OSBPL6: variants seen among roughly 807,000 people sequenced by gnomAD.
The protein encoded by OSBPL6 is oxysterol-binding protein-related protein 6.
Under a neutral mutation model 125.8 loss-of-function variants are expected in OSBPL6, and 49 were observed. That is an observed-to-expected ratio of 0.39 (90% confidence interval 0.31 to 0.49). The LOEUF (loss-of-function observed/expected upper bound fraction) is 0.49. Among genes scored for constraint, OSBPL6 ranks in the 20% least tolerant of loss-of-function variants. The probability of loss-of-function intolerance (pLI) is 0.88; values close to 1 mark genes in which losing one functional copy is unlikely to be tolerated. For synonymous variants in OSBPL6, 394 were observed against 391.8 expected, an observed-to-expected ratio of 1.01 and a Z score of -0.07; for missense variants, 986 against 1,135.4, an observed-to-expected ratio of 0.87 and a Z score of 1.89.
intron 3 of OSBPL6, among the ~76,000 whole-genome samples, chr2:178,306,534 G>A (rs539626315): frequency 5.3e-5 from 8 of 152,252 alleles, no homozygotes; most frequent in East Asian, 1.9e-4. Flanking sequence ...AAGCCCTGCC[G>A]TCTTTTCCTC....
intron 12 of OSBPL6, among the ~76,000 whole-genome samples, chr2:178,352,418 G>A (rs1198229958): frequency 6.6e-6 from 1 of 152,240 alleles, no homozygotes; most frequent in Admixed American, 6.5e-5. Context: ...TTAGCAACCA[G>A]CAGACAAGGA....
chr2:178,360,301 G>A (rs1692227836), intron 12 of OSBPL6, among the ~76,000 whole-genome samples: 1 of 152,102 alleles, frequency 6.6e-6, no homozygotes, highest in Admixed American at 6.5e-5. Context: ...GAAGATTATA[G>A]TTAATAATAG....
chr2:178,342,648 T>G (rs1690318581), intron 11 of OSBPL6, among the ~76,000 whole-genome samples: 1 of 152,196 alleles, frequency 6.6e-6, no homozygotes, highest in Non-Finnish European at 1.5e-5. Context: ...CTCCTAAACT[T>G]CAAACTTCCT....
chr2:178,295,461 A>G (rs564154051), intron 2 of OSBPL6, among the ~76,000 whole-genome samples: 2 of 152,348 alleles, frequency 1.3e-5, no homozygotes, highest in Non-Finnish European at 1.5e-5. Flanking sequence ...CTTCTCCACT[A>G]CAACGGCAGT....
chr2:178,300,572 T>C (rs1363098319), intron 2 of OSBPL6, among the ~76,000 whole-genome samples: 1 of 152,230 alleles, frequency 6.6e-6, no homozygotes, highest in Non-Finnish European at 1.5e-5. Flanking sequence ...GTGATTCTTG[T>C]GCCTCAGCCT....
rs1695946860 is a variant in OSBPL6 at position 178,397,980 on chromosome 2, G to A, written c.*2421G>A. 6.6e-6 allele frequency: 1 copy of A among 152,158 alleles called. No individual in the cohort carries two copies. The highest frequency in any genetic ancestry group is 2.1e-4 in the South Asian group (1 of 4,828). The allele number at this position is 152,158 out of a possible 1,614,324, so 9.4% of individuals were successfully genotyped here. A position where few individuals can be genotyped will look rare whatever the true frequency, so the allele number is the denominator to read the frequency against. Reference sequence around the variant, plus strand: ...ATCTCTTTTGGGATTCAGATAGTCTGATTATTCCAATTCAAGTGTTCAGTT... The same window carrying A: ...ATCTCTTTTGGGATTCAGATAGTCTAATTATTCCAATTCAAGTGTTCAGTT... On this transcript the variant is annotated 3_prime_UTR_variant, in exon 25 of 25. Coordinates refer to ENST00000190611, the MANE Select transcript of OSBPL6 (RefSeq NM_032523.4).
intron 15 of OSBPL6, 135 bp from the exon 16 acceptor site, chr2:178,382,285 A>G: frequency 1.8e-6 from 2 of 1,106,310 alleles, no homozygotes; most frequent in Non-Finnish European, 1.2e-6. Context: ...TTCATTGCAC[A>G]TATGTCAAAT....
At chr2:178,237,643 A>G (rs1346837557) in intron 1 of OSBPL6, among the ~76,000 whole-genome samples, 1 of 152,172 alleles carries the variant, frequency 6.6e-6, no homozygotes, top group African/African-American at 2.4e-5. Flanking sequence ...GGGCTGGATA[A>G]TTCTTTGTTG....
At chr2:178,283,599 C>G (rs142528527) in intron 1 of OSBPL6, among the ~76,000 whole-genome samples, 5 of 143,710 alleles carry the variant, frequency 3.5e-5, no homozygotes, top group Non-Finnish European at 6.1e-5. Flanking sequence ...TGAATTTATT[C>G]TCTTGTAAAA....
chr2:178,270,458 G>C (rs1014779650), intron 1 of OSBPL6, among the ~76,000 whole-genome samples: 7 of 152,168 alleles, frequency 4.6e-5, no homozygotes, highest in African/African-American at 1.7e-4. Context: ...TCACAGATAG[G>C]GAAACCAAGG....
At chr2:178,345,645 T>A (rs1690628187) in intron 11 of OSBPL6, among the ~76,000 whole-genome samples, 1 of 148,738 alleles carries the variant, frequency 6.7e-6, no homozygotes. Context: ...TATAATCAGT[T>A]AAGTATTATT....
rs1300087261 is a variant in OSBPL6 at position 178,339,708 on chromosome 2, G to C, written c.931G>C (p.Val311Leu). ...AGATATTTCAAAGAAAGACAAGCGG[G>C]TCACAAGACGATGGAGAACAAAAAG... ...CVDISKKDKRVTRRWRTKSVS... is the reference protein window; with the variant it reads ...CVDISKKDKRLTRRWRTKSVS... Residue 311 changes from valine (V) to leucine (L), a missense_variant, in exon 11 of 25, where the codon GTC (valine) becomes CTC (leucine). Physicochemically the swap from Val to Leu is conservative, Grantham distance 32 (BLOSUM62 1). Transcript: ENST00000190611. 2 of 1,605,256 alleles carry C rather than the reference G, an allele frequency of 1.2e-6. No individual in the cohort carries two copies. Among genetic ancestry groups the C allele is most frequent in the Admixed American group, 3.4e-5 (2 of 58,602 alleles).
chr2:178,391,030 A>C lies in OSBPL6; in HGVS notation c.2302-43A>C, dbSNP rs185299656. 157 of 1,605,242 alleles carry C rather than the reference A, an allele frequency of 9.8e-5. 1 individual carries two copies. The African/African-American group carries it at 1.8e-3, about 19-fold the overall frequency. ...TATGGAAAATACAGGGAATGATGTT[A>C]TTAAAGCCATCAAATGTCACAATTG... On this transcript the variant is annotated intron_variant, in intron 21 of 24. Coordinates refer to ENST00000190611, the MANE Select transcript of OSBPL6 (RefSeq NM_032523.4).
intron 3 of OSBPL6, among the ~76,000 whole-genome samples, chr2:178,311,097 T>C (rs1004322726): frequency 6.6e-6 from 1 of 152,218 alleles, no homozygotes; most frequent in African/African-American, 2.4e-5. Flanking sequence ...CCAAATAATA[T>C]TGAATTGCTG....
chr2:178,370,922 G>T (rs1693323241), intron 13 of OSBPL6, among the ~76,000 whole-genome samples: 2 of 152,236 alleles, frequency 1.3e-5, no homozygotes, highest in South Asian at 4.1e-4. Context: ...AGAAGAGGCT[G>T]CTCTGTGCTC....
intron 1 of OSBPL6, among the ~76,000 whole-genome samples, chr2:178,195,464 G>A (rs2153923090): frequency 6.6e-6 from 1 of 152,368 alleles, no homozygotes; most frequent in Non-Finnish European, 1.5e-5. Flanking sequence ...AGAAAGCCTG[G>A]AGAAGTAATG....
In OSBPL6 at chr2:178,306,145, G is replaced by T; in HGVS notation, c.-40G>T. 8.4e-7 allele frequency: 1 copy of T among 1,195,532 alleles called. No individual in the cohort carries two copies. Among genetic ancestry groups the T allele is most frequent in the Non-Finnish European group, 1.2e-6 (1 of 805,834 alleles). The allele number at this position is 1,195,532 out of a possible 1,614,324, so 74.1% of individuals were successfully genotyped here. ...GTTTGTGGATTTGAGAGAAGATTGG[G>T]ATGGTCTTAAGTGCATAAAACGAGA... On this transcript the variant is annotated 5_prime_UTR_variant, in exon 3 of 25. Coordinates refer to ENST00000190611, the MANE Select transcript of OSBPL6 (RefSeq NM_032523.4).
At chr2:178,225,399 G>A (rs185947047) in intron 1 of OSBPL6, among the ~76,000 whole-genome samples, 1 of 152,300 alleles carries the variant, frequency 6.6e-6, no homozygotes, top group East Asian at 1.9e-4. Context: ...GGCACATCCA[G>A]CACTTTGTAA....
chr2:178,376,498 G>GAT (rs1693887949), intron 15 of OSBPL6, among the ~76,000 whole-genome samples: 1 of 151,912 alleles, frequency 6.6e-6, no homozygotes, highest in South Asian at 2.1e-4. Flanking sequence ...TCCCCACCTA[G>GAT]ATCACCCCAT....
Sources: allele counts gnomAD v4.1 joint callset (sites outside exome capture counted in the v4.1 genomes callset), GRCh38; gene constraint gnomAD v4.1.1; transcripts MANE v1.5; gene names NCBI Gene and HGNC (gene_info 2026-07-23, HGNC 2026-07-21).